LPIN1: variants seen among roughly 807,000 people sequenced by gnomAD.
The protein encoded by LPIN1 is lipin 1.
A neutral mutation model predicts 107.5 loss-of-function variants in LPIN1; 71 were observed. The observed-to-expected ratio is 0.66, with a 90% CI of 0.55 to 0.80. The LOEUF is 0.80. LPIN1 is among the 30% of genes least tolerant of loss of function. The pLI, the probability that LPIN1 is intolerant of heterozygous loss-of-function variation, is 0.00. For synonymous variants in LPIN1, 445 were observed against 452.6 expected (o/e 0.98, Z 0.21); for missense variants, 1,043 against 1,160.6 (o/e 0.90, Z 1.47).
intron 6 of LPIN1, among the ~76,000 whole-genome samples, chr2:11,778,693 GTTA>G: frequency 6.6e-6 from 1 of 152,220 alleles, no homozygotes; most frequent in Non-Finnish European, 1.5e-5. Context: ...AATTAACCAT[GTTA>G]TTATGCGGCA....
chr2:11,812,958 TG>T (rs1283667867), intron 17 of LPIN1, among the ~76,000 whole-genome samples: 1 of 151,970 alleles, frequency 6.6e-6, no homozygotes, highest in African/African-American at 2.4e-5. Flanking sequence ...GCGTGGGGGC[TG>T]GGGGTAGGTA....
At chr2:11,720,617 C>T (rs1664059608), upstream of LPIN1, among the ~76,000 whole-genome samples, 1 of 151,908 alleles carries the variant, frequency 6.6e-6, no homozygotes, top group African/African-American at 2.4e-5. Flanking sequence ...GCACAAAGCC[C>T]CTGTGGTAGA....
intron 1 of LPIN1, among the ~76,000 whole-genome samples, chr2:11,733,487 C>T (rs1487278012): frequency 1.3e-5 from 2 of 150,346 alleles, no homozygotes; most frequent in African/African-American, 2.5e-5. Flanking sequence ...TTTTCTTTCT[C>T]TCTCTCTCTC....
At chr2:11,756,564 G>A (rs1668724008) in intron 1 of LPIN1, among the ~76,000 whole-genome samples, 1 of 152,024 alleles carries the variant, frequency 6.6e-6, no homozygotes, top group Non-Finnish European at 1.5e-5. Flanking sequence ...TTGTATTTCT[G>A]TAGAGATGGG....
intron 2 of LPIN1, chr2:11,767,402 A>C: frequency 3.5e-6 from 1 of 283,860 alleles, no homozygotes; most frequent in South Asian, 3.7e-5. Flanking sequence ...CCAAAAAAGG[A>C]GGAGCTAGAC....
Position 11,785,071 on chromosome 2 carries a change from C to T in LPIN1, c.1544C>T (p.Thr515Met), listed in dbSNP as rs769020213. The T allele has an allele frequency of 7.0e-6, 11 of 1,573,072 alleles. No individual in the cohort carries two copies. Among genetic ancestry groups the T allele is most frequent in the Non-Finnish European group, 9.5e-6 (11 of 1,162,820 alleles). ...CGGLSDHREI[T>M]KDAFLEQAVS... ...GGCCTCAGCGACCACCGGGAGATCA[C>T]GAAAGGTACCGCGGGCCTCGCGCGG... Residue 515 changes from threonine (T) to methionine (M), a missense_variant, in exon 10 of 21, where the codon ACG (threonine) becomes ATG (methionine). By Grantham distance (81) the Thr-to-Met change is moderately conservative (BLOSUM62 -1). Coordinates refer to ENST00000674199, the MANE Select transcript of LPIN1 (RefSeq NM_001349206.2).
At chr2:11,702,876 A>G (rs1447697658) in intron 1 of LPIN1, among the ~76,000 whole-genome samples, 4 of 151,798 alleles carry the variant, frequency 2.6e-5, no homozygotes, top group Non-Finnish European at 5.9e-5. Flanking sequence ...CCTAACTCTC[A>G]CGTGGATCCT....
chr2:11,759,144 T>G (rs971863179), intron 1 of LPIN1, among the ~76,000 whole-genome samples: 215 of 131,354 alleles, frequency 1.6e-3, no homozygotes, highest in South Asian at 4.9e-3. Flanking sequence ...TTTCTTTCTT[T>G]CTTTCTTTCT....
intron 1 of LPIN1, among the ~76,000 whole-genome samples, chr2:11,681,097 C>T (rs1382328216): frequency 6.6e-6 from 1 of 152,176 alleles, no homozygotes; most frequent in Non-Finnish European, 1.5e-5. Context: ...CACTGAATCC[C>T]TCTACACTGG....
At chr2:11,746,629 T>C, upstream of LPIN1, 2 of 985,280 alleles carry the variant, frequency 2.0e-6, no homozygotes, top group Non-Finnish European at 2.4e-6. Context: ...GGCGGCGGGC[T>C]GGGTGTTTGC....
At chr2:11,753,315 T>C (rs1006857801) in intron 1 of LPIN1, among the ~76,000 whole-genome samples, 3 of 152,244 alleles carry the variant, frequency 2.0e-5, no homozygotes, top group Non-Finnish European at 1.5e-5. Context: ...GCCTCTGACC[T>C]GCAGGCCTTT....
intron 1 of LPIN1, among the ~76,000 whole-genome samples, chr2:11,729,622 G>A (rs1664995751): frequency 6.6e-6 from 1 of 152,146 alleles, no homozygotes; most frequent in African/African-American, 2.4e-5. Flanking sequence ...ATAATTAATG[G>A]CAGAGTAGAG....
chr2:11,709,081 G>A (rs752726149), intron 1 of LPIN1, among the ~76,000 whole-genome samples: 6 of 152,126 alleles, frequency 3.9e-5, no homozygotes, highest in Non-Finnish European at 8.8e-5. Flanking sequence ...CAAAACCCAT[G>A]CTGGGGACCA....
intron 1 of LPIN1, among the ~76,000 whole-genome samples, chr2:11,729,380 G>A (rs528172337): frequency 1.2e-4 from 19 of 152,276 alleles, no homozygotes; most frequent in African/African-American, 4.1e-4. Flanking sequence ...ATGTAAAGGG[G>A]GAAGACCTTA....
intron 17 of LPIN1, among the ~76,000 whole-genome samples, chr2:11,810,216 A>G (rs1530013): frequency 0.99 from 150,916 of 152,234 alleles, 74,849 homozygotes; most frequent in Middle Eastern, 1. Flanking sequence ...TGAGGGGCAG[A>G]TCGAGTGTGA....
At chr2:11,724,115 C>T, upstream of LPIN1, 1 of 152,910 alleles carries the variant, frequency 6.5e-6, no homozygotes, top group Non-Finnish European at 1.5e-5. Context: ...AAAGAACCTG[C>T]CCCTGCTGTA....
At chr2:11,686,586 C>T (rs766656308) in intron 1 of LPIN1, among the ~76,000 whole-genome samples, 8 of 152,102 alleles carry the variant, frequency 5.3e-5, no homozygotes, top group Non-Finnish European at 1.2e-4. Context: ...TTTAAAGGGA[C>T]AGGAACAGGG....
intron 1 of LPIN1, among the ~76,000 whole-genome samples, chr2:11,704,793 G>C (rs1306458339): frequency 6.6e-6 from 1 of 152,160 alleles, no homozygotes; most frequent in Non-Finnish European, 1.5e-5. Context: ...CTGCTCCATG[G>C]AGTTTCCTCT....
rs570303235 is a variant in LPIN1, at chr2:11,783,984, C to T, written c.1358+62C>T. 1.4e-4 allele frequency: 224 copies of T among 1,611,680 alleles called. 1 individual carries two copies. In the African/African-American group the frequency reaches 2.6e-3, roughly 19 times the overall value. The stretch of plus-strand genomic sequence containing the variant: ...AATCTGAATATCATTCTGTGTGAGA[C>T]CAGTTTCCCCTTATGTTTGATTAGA... On this transcript the variant is annotated intron_variant, in intron 9 of 20. Transcript: ENST00000674199.
Sources: gnomAD v4.1 joint callset for allele counts (sites outside exome capture counted in the v4.1 genomes callset) on GRCh38, gnomAD v4.1.1 for gene constraint, MANE v1.5 for transcripts, NCBI Gene and HGNC (gene_info 2026-07-23, HGNC 2026-07-21) for gene names.